The following FARP2 variants were observed in gnomAD, a reference collection of about 807,000 sequenced individuals.
The protein encoded by FARP2 is FERM, ARH/RhoGEF and pleckstrin domain protein 2.
In FARP2, 111 loss-of-function variants were observed where a neutral mutation model predicts 130.5. The observed-to-expected ratio is 0.85, with a 90% CI of 0.73 to 1.00. The LOEUF (loss-of-function observed/expected upper bound fraction) is 1.00. FARP2 is among the 50% of genes least tolerant of loss of function. FARP2 has a pLI of 0.00. For missense variants in FARP2, 1,385 were observed against 1,346.3 expected, an observed-to-expected ratio of 1.03 and a Z score of -0.45; for synonymous variants, 504 against 516.9, an observed-to-expected ratio of 0.98 and a Z score of 0.34.
intron 18 of FARP2, chr2:241,471,483 C>CTTTTTTTTTTTTTTTTTTTTTTTTTTTT: frequency 1.8e-5 from 1 of 56,830 alleles, no homozygotes; most frequent in Non-Finnish European, 2.9e-5. Flanking sequence ...TGCTCTTCTT[C>CTTTTTTTTTTTTTTTTTTTTTTTTTTTT]TTTTTTTTTT....
At chr2:241,429,857 A>G (rs1039446688) in intron 8 of FARP2, among the ~76,000 whole-genome samples, 1 of 152,214 alleles carries the variant, frequency 6.6e-6, no homozygotes, top group Non-Finnish European at 1.5e-5. Flanking sequence ...CTGAGACAGG[A>G]TGATTGCTTA....
chr2:241,484,370 TGCTGG>T (rs2064701467), intron 21 of FARP2, 39 bp downstream of exon 21: 1 of 1,541,160 alleles, frequency 6.5e-7, no homozygotes, highest in African/African-American at 1.4e-5. Context: ...TTCCACGTGG[TGCTGG>T]GCTGGGCCCC....
intron 13 of FARP2, among the ~76,000 whole-genome samples, chr2:241,452,871 G>C (rs1156633406): frequency 6.6e-6 from 1 of 151,254 alleles, no homozygotes; most frequent in Non-Finnish European, 1.5e-5. Context: ...AACCCAGGAG[G>C]CAGAGATTGC....
At chr2:241,472,759 C>T (rs2064353548) in intron 18 of FARP2, among the ~76,000 whole-genome samples, 1 of 149,048 alleles carries the variant, frequency 6.7e-6, no homozygotes, top group Non-Finnish European at 1.5e-5. Context: ...CTGAGGGGAC[C>T]CTTTTATGTG....
chr2:241,394,470 A>G (rs1240460118), intron 2 of FARP2, among the ~76,000 whole-genome samples: 2 of 151,160 alleles, frequency 1.3e-5, no homozygotes, highest in Non-Finnish European at 2.9e-5. Context: ...GTGAGCCGAG[A>G]TCGCGCCACT....
chr2:241,483,571 A>AG, intron 20 of FARP2, 38 bp downstream of exon 20: 1 of 1,579,216 alleles, frequency 6.3e-7, no homozygotes, highest in South Asian at 1.1e-5. Context: ...CTTCCCCCCG[A>AG]GGGGGATGGG....
intron 7 of FARP2, among the ~76,000 whole-genome samples, chr2:241,416,887 C>T (rs1341352144): frequency 1.3e-5 from 2 of 152,016 alleles, no homozygotes; most frequent in Middle Eastern, 3.4e-3. Flanking sequence ...CCAGCCTGGG[C>T]GACAGAGTGA....
intron 13 of FARP2, chr2:241,445,835 G>C (rs911669408): frequency 1.3e-5 from 2 of 152,254 alleles, no homozygotes; most frequent in African/African-American, 4.8e-5. Context: ...TCCGCCCGCA[G>C]TCTCAGGCAG....
intron 8 of FARP2, among the ~76,000 whole-genome samples, chr2:241,429,444 A>T (rs185000921): frequency 6.6e-6 from 1 of 152,272 alleles, no homozygotes; most frequent in African/African-American, 2.4e-5. Flanking sequence ...CTTCCCCAGG[A>T]TCAGACCCTG....
chr2:241,385,644 C>A (rs2061766012), intron 2 of FARP2, among the ~76,000 whole-genome samples: 1 of 152,028 alleles, frequency 6.6e-6, no homozygotes, highest in African/African-American at 2.4e-5. Context: ...CACCTGAGCC[C>A]TAGTGGTGGA....
At chr2:241,471,881 A>T (rs2064319342) in intron 18 of FARP2, among the ~76,000 whole-genome samples, 1 of 151,684 alleles carries the variant, frequency 6.6e-6, no homozygotes, top group Admixed American at 6.6e-5. Flanking sequence ...TTCTGTCAGG[A>T]TCCTGTTCTG....
In FARP2 at chr2:241,468,130, G is replaced by C. The variant is rs376190599; in HGVS notation, c.1894-10G>C. On this transcript the variant is annotated splice_polypyrimidine_tract_variant and intron_variant, in intron 17 of 26. Transcript: ENST00000264042. ...CCTCACCTAAAGGCCCCACTCTTGCGCCTCCACAGGAGTTTACCAGCTACT... is the reference window on the plus strand; with the variant it reads ...CCTCACCTAAAGGCCCCACTCTTGCCCCTCCACAGGAGTTTACCAGCTACT... 1.9e-6 allele frequency: 3 copies of C among 1,580,358 alleles called. No individual in the cohort carries two copies. In the South Asian group the frequency reaches 3.3e-5, roughly 17 times the overall value.
intron 1 of FARP2, among the ~76,000 whole-genome samples, chr2:241,372,352 A>T (rs1433456488): frequency 6.6e-6 from 1 of 152,250 alleles, no homozygotes; most frequent in Admixed American, 6.5e-5. Context: ...TGTTACCCTT[A>T]TCCAGGCTGT....
intron 8 of FARP2, among the ~76,000 whole-genome samples, chr2:241,426,167 G>A (rs1483823876): frequency 2.0e-5 from 3 of 152,098 alleles, no homozygotes; most frequent in Non-Finnish European, 4.4e-5. Context: ...CCTGCCAAGA[G>A]AGCATCCACC....
At chr2:241,362,534 G>A (rs1481979194) in intron 1 of FARP2, among the ~76,000 whole-genome samples, 6 of 152,062 alleles carry the variant, frequency 3.9e-5, no homozygotes, top group African/African-American at 1.2e-4. Context: ...CCCAGGAGGC[G>A]GAGCTTGCAG....
At chr2:241,462,324 A>G (rs551372873) in intron 14 of FARP2, among the ~76,000 whole-genome samples, 199 bp from the exon 15 acceptor site, 1 of 152,374 alleles carries the variant, frequency 6.6e-6, no homozygotes, top group African/African-American at 2.4e-5. Flanking sequence ...TGATATTTGA[A>G]CAGCAATTCT....
chr2:241,489,835 G>A, intron 21 of FARP2, 127 bp from the exon 22 acceptor site: 1 of 641,898 alleles, frequency 1.6e-6, no homozygotes, highest in East Asian at 2.7e-5. Flanking sequence ...GAGTCTGTGT[G>A]CACTTGGACA....
chr2:241,471,587 G>A (rs1219248270), intron 18 of FARP2, among the ~76,000 whole-genome samples: 2 of 142,642 alleles, frequency 1.4e-5, no homozygotes, highest in African/African-American at 2.6e-5. Flanking sequence ...TCCGCCTCCT[G>A]GGTTCATGCC....
chr2:241,371,106 G>T (rs1203236809), intron 1 of FARP2, among the ~76,000 whole-genome samples: 1 of 152,186 alleles, frequency 6.6e-6, no homozygotes, highest in African/African-American at 2.4e-5. Flanking sequence ...AAGTTCAAAA[G>T]GTTGTCTTTG....
Sources: gnomAD v4.1 joint callset for allele counts (sites outside exome capture counted in the v4.1 genomes callset) on GRCh38, gnomAD v4.1.1 for gene constraint, MANE v1.5 for transcripts, NCBI Gene and HGNC (gene_info 2026-07-23, HGNC 2026-07-21) for gene names.